The following BTG1 variants were observed in gnomAD, a reference collection of about 807,000 sequenced individuals.
BTG1 encodes the protein protein BTG1.
Under a neutral mutation model 15.2 loss-of-function variants are expected in BTG1, and 2 were observed. The ratio of observed to expected loss-of-function variants is 0.13; its 90% confidence interval spans 0.05 to 0.41. The LOEUF (loss-of-function observed/expected upper bound fraction) is 0.41. Ranked by LOEUF, BTG1 falls within the 10% of genes least tolerant of loss-of-function variation. The pLI is 0.99. For synonymous variants in BTG1, 109 were observed against 82.4 expected (o/e 1.32, Z -1.75); for missense variants, 149 against 215.0 (o/e 0.69, Z 1.92).
chr12:92,143,419 A>C lies in BTG1; in HGVS notation c.*661T>G. 4.3e-6 allele frequency: 1 copy of C among 233,494 alleles called. No individual in the cohort carries two copies. Among genetic ancestry groups the C allele is most frequent in the Non-Finnish European group, 8.5e-6 (1 of 117,940 alleles). The allele number at this position is 233,494 out of a possible 1,614,324, so 14.5% of individuals were successfully genotyped here. A position where few individuals can be genotyped will look rare whatever the true frequency, so the allele number is the denominator to read the frequency against. On this transcript the variant is annotated 3_prime_UTR_variant, in exon 2 of 2. Transcript: ENST00000256015. ...ACTACAAGCTAGCAAATGTACAGAGAGCTGGCTGGTGCTAACACCACAGTT... is the reference window on the plus strand; with the variant it reads ...ACTACAAGCTAGCAAATGTACAGAGCGCTGGCTGGTGCTAACACCACAGTT...
At position 92,141,932 on chromosome 12, in the gene BTG1, A is replaced by C. The variant is rs983998964; in HGVS notation, c.*2148T>G. On this transcript the variant is annotated 3_prime_UTR_variant, in exon 2 of 2. Coordinates refer to ENST00000256015, the MANE Select transcript of BTG1 (RefSeq NM_001731.3). ...AAAAATGGTTGAGGTACTTAGTTTCAATGGAGTTACCAGATGAAATGTAGT... is the reference window on the plus strand; with the variant it reads ...AAAAATGGTTGAGGTACTTAGTTTCCATGGAGTTACCAGATGAAATGTAGT... The C allele has an allele frequency of 2.5e-4, 58 of 232,470 alleles. No homozygotes were observed. The highest frequency in any genetic ancestry group is 2.1e-3 in the Admixed American group (38 of 17,770). The allele number at this position is 232,470 out of a possible 1,614,324, so 14.4% of individuals were successfully genotyped here.
intron 1 of BTG1, chr12:92,145,090 C>A (rs1031976052): frequency 1.7e-5 from 4 of 242,034 alleles, no homozygotes; most frequent in African/African-American, 9.1e-5. Context: ...GTCCCCAAAT[C>A]CGCCGACGGT....
chr12:92,144,004 T>TC lies in BTG1; in HGVS notation c.*75dup. On this transcript the variant is annotated 3_prime_UTR_variant, in exon 2 of 2. Coordinates refer to ENST00000256015, the MANE Select transcript of BTG1 (RefSeq NM_001731.3). ...GACATGGTTTAAATTCCATAATCCA[T>TC]CCCCAAGAGGAGCCCACCCAAAGCA... The TC allele has an allele frequency of 7.7e-6, 12 of 1,550,420 alleles. No individual in the cohort carries two copies. Among genetic ancestry groups the TC allele is most frequent in the Non-Finnish European group, 7.9e-6 (9 of 1,141,934 alleles).
Position 92,142,614 on chromosome 12 carries a change from T to C in BTG1, c.*1466A>G. 4.3e-6 allele frequency: 1 copy of C among 233,014 alleles called. No homozygotes were observed. Among genetic ancestry groups the C allele is most frequent in the Non-Finnish European group, 8.5e-6 (1 of 117,908 alleles). The allele number at this position is 233,014 out of a possible 1,614,324, so 14.4% of individuals were successfully genotyped here. A position where few individuals can be genotyped will look rare whatever the true frequency, so the allele number is the denominator to read the frequency against. On this transcript the variant is annotated 3_prime_UTR_variant, in exon 2 of 2. Transcript: ENST00000256015. ...AAAAGTTCATAAACATACCTTTTGT[T>C]GAATTCCAGCTTATGTGATTTTTAT...
At position 92,145,555 on chromosome 12, in the gene BTG1, G is replaced by T; in HGVS notation, c.-20C>A. The T allele has an allele frequency of 7.1e-7, 1 of 1,402,718 alleles. No individual in the cohort carries two copies. The highest frequency in any genetic ancestry group is 9.3e-7 in the Non-Finnish European group (1 of 1,071,812). 86.9% of individuals were successfully genotyped at this position (1,402,718 alleles called of 1,614,324 possible). On this transcript the variant is annotated 5_prime_UTR_variant, in exon 1 of 2. Transcript: ENST00000256015. ...ATGCATGGGGGCGGCGTGCGGGGGCGGCCCGGGGCGGCTGGGGCTCGGCGG... is the reference window on the plus strand; with the variant it reads ...ATGCATGGGGGCGGCGTGCGGGGGCTGCCCGGGGCGGCTGGGGCTCGGCGG...
chr12:92,145,255 C>T (rs562271698), intron 1 of BTG1, 133 bp downstream of exon 1: 1 of 1,286,868 alleles, frequency 7.8e-7, no homozygotes, highest in Admixed American at 4.2e-5. Flanking sequence ...CCCAGCGCAA[C>T]CACACCGGTC....
In BTG1 at chr12:92,140,718, T is replaced by C. The variant is rs1870155512; in HGVS notation, c.*3362A>G. The C allele has an allele frequency of 8.6e-6, 2 of 232,228 alleles. No individual in the cohort carries two copies. Among genetic ancestry groups the C allele is most frequent in the African/African-American group, 2.2e-5 (1 of 45,302 alleles). The allele number at this position is 232,228 out of a possible 1,614,324, so 14.4% of individuals were successfully genotyped here. On this transcript the variant is annotated 3_prime_UTR_variant, in exon 2 of 2. Transcript: ENST00000256015. ...GTTATATTTTGATAGCAGCCATATA[T>C]AAAAGTTCAGTGGCAGAGACTGAGA...
At chr12:92,145,097 C>T in intron 1 of BTG1, 1 of 256,380 alleles carries the variant, frequency 3.9e-6, no homozygotes. Context: ...AATCCGCCGA[C>T]GGTCCTCGGA....
chr12:92,143,913 T>C lies in BTG1; in HGVS notation c.*167A>G, dbSNP rs1870410213. The C allele has an allele frequency of 2.4e-5, 17 of 711,080 alleles. No individual in the cohort carries two copies. In the South Asian group the frequency reaches 2.4e-4, roughly 10 times the overall value. The allele number at this position is 711,080 out of a possible 1,614,324, so 44.0% of individuals were successfully genotyped here. On this transcript the variant is annotated 3_prime_UTR_variant, in exon 2 of 2. Coordinates refer to ENST00000256015, the MANE Select transcript of BTG1 (RefSeq NM_001731.3). ...TCATTGAAAGGTACTGTCCAAACTA[T>C]GGCACTGTCACTTAAAATTTTTTTT...
rs1375526299 is a variant in BTG1, at chr12:92,141,051, T to A, written c.*3029A>T. 3 of 232,730 alleles carry A rather than the reference T, an allele frequency of 1.3e-5. No homozygotes were observed. Among genetic ancestry groups the A allele is most frequent in the Admixed American group, 5.6e-5 (1 of 17,770 alleles). 14.4% of individuals were successfully genotyped at this position (232,730 alleles called of 1,614,324 possible). On this transcript the variant is annotated 3_prime_UTR_variant, in exon 2 of 2. Transcript: ENST00000256015. ...AGTCACGCAGGGAGAAGTCCAATAG[T>A]AGATTTATTTGCTCCCAAGATTAAA...
At position 92,145,584 on chromosome 12, in the gene BTG1, G is replaced by A. The variant is rs1187901870; in HGVS notation, c.-49C>T. ...CGGGGCGGCTGGGGCTCGGCGGCGC[G>A]GCCCCGACGGCGGAGCAGCCACCCC... On this transcript the variant is annotated 5_prime_UTR_variant, in exon 1 of 2. Transcript: ENST00000256015. 3 of 1,248,010 alleles carry A rather than the reference G, an allele frequency of 2.4e-6. No homozygotes were observed. Among genetic ancestry groups the A allele is most frequent in the East Asian group, 6.4e-5 (2 of 31,240 alleles). The allele number at this position is 1,248,010 out of a possible 1,614,324, so 77.3% of individuals were successfully genotyped here.
chr12:92,145,350 T>C (rs990840052), intron 1 of BTG1, 38 bp downstream of exon 1: 2 of 1,502,218 alleles, frequency 1.3e-6, no homozygotes, highest in Admixed American at 2.0e-5. Flanking sequence ...CCCAGGGATG[T>C]GGGGCCCGCG....
At chr12:92,144,780 T>G (rs948779316) in intron 1 of BTG1, among the ~76,000 whole-genome samples, 5 of 152,148 alleles carry the variant, frequency 3.3e-5, no homozygotes, top group African/African-American at 1.2e-4. Context: ...CCACCCCAGA[T>G]GCACACAATG....
At position 92,140,997 on chromosome 12, in the gene BTG1, G is replaced by T. The variant is rs1423695518; in HGVS notation, c.*3083C>A. 1 of 232,672 alleles carries T rather than the reference G, an allele frequency of 4.3e-6. No individual in the cohort carries two copies. Among genetic ancestry groups the T allele is most frequent in the African/African-American group, 2.2e-5 (1 of 45,312 alleles). The allele number at this position is 232,672 out of a possible 1,614,324, so 14.4% of individuals were successfully genotyped here. A position where few individuals can be genotyped will look rare whatever the true frequency, so the allele number is the denominator to read the frequency against. On this transcript the variant is annotated 3_prime_UTR_variant, in exon 2 of 2. Coordinates refer to ENST00000256015, the MANE Select transcript of BTG1 (RefSeq NM_001731.3). Reference sequence around the variant, plus strand: ...TATCATACCTCTCTTCTGTAAAGAGGAAGAAGAGAGAGTATCAGAAATGTT... The same window carrying T: ...TATCATACCTCTCTTCTGTAAAGAGTAAGAAGAGAGAGTATCAGAAATGTT...
intron 1 of BTG1, chr12:92,145,011 G>A (rs1272710525): frequency 2.8e-4 from 51 of 184,866 alleles, no homozygotes; most frequent in Non-Finnish European, 2.3e-4. Context: ...CTGGGCCGCC[G>A]ACCACGCAAC....
In BTG1 at chr12:92,143,506, T is replaced by G. The variant is rs1194020267; in HGVS notation, c.*574A>C. The G allele has an allele frequency of 1.3e-5, 3 of 234,194 alleles. No homozygotes were observed. Among genetic ancestry groups the G allele is most frequent in the Non-Finnish European group, 2.5e-5 (3 of 118,380 alleles). The allele number at this position is 234,194 out of a possible 1,614,324, so 14.5% of individuals were successfully genotyped here. A position where few individuals can be genotyped will look rare whatever the true frequency, so the allele number is the denominator to read the frequency against. ...GTTGCCATGGCAGATTCTGGTCACT[T>G]GCTACTTTCAAGGCCAAAAACACAA... is the stretch of plus-strand genomic sequence containing the variant. On this transcript the variant is annotated 3_prime_UTR_variant, in exon 2 of 2. Transcript: ENST00000256015.
At position 92,140,848 on chromosome 12, in the gene BTG1, T is replaced by C. The variant is rs568231363; in HGVS notation, c.*3232A>G. ...CTTTTTGAAGACTTCCATGCATAGATAAAACTATTGACAAATGTTCTCCAT... is the reference window on the plus strand; with the variant it reads ...CTTTTTGAAGACTTCCATGCATAGACAAAACTATTGACAAATGTTCTCCAT... On this transcript the variant is annotated 3_prime_UTR_variant, in exon 2 of 2. Coordinates refer to ENST00000256015, the MANE Select transcript of BTG1 (RefSeq NM_001731.3). 123 of 232,592 alleles carry C rather than the reference T, an allele frequency of 5.3e-4. No individual in the cohort carries two copies. Among genetic ancestry groups the C allele is most frequent in the Non-Finnish European group, 6.7e-4 (79 of 117,612 alleles). 14.4% of individuals were successfully genotyped at this position (232,592 alleles called of 1,614,324 possible).
At position 92,143,566 on chromosome 12, in the gene BTG1, CTAG is replaced by C; in HGVS notation, c.*511_*513del. On this transcript the variant is annotated 3_prime_UTR_variant, in exon 2 of 2. Transcript: ENST00000256015. ...TGACCATTTCCCCAGGTCATGCTTA[CTAG>C]TTTGTCTTTATGTACATTTATACAT... 4.2e-6 allele frequency: 1 copy of C among 235,678 alleles called. No homozygotes were observed. Among genetic ancestry groups the C allele is most frequent in the East Asian group, 6.0e-5 (1 of 16,550 alleles). The allele number at this position is 235,678 out of a possible 1,614,324, so 14.6% of individuals were successfully genotyped here. A position where few individuals can be genotyped will look rare whatever the true frequency, so the allele number is the denominator to read the frequency against.
intron 1 of BTG1, 144 bp downstream of exon 1, chr12:92,145,242 CCA>C: frequency 4.1e-6 from 5 of 1,225,606 alleles, no homozygotes; most frequent in Non-Finnish European, 5.2e-6. Flanking sequence ...CTGTTAGCGG[CCA>C]CCCAGCGCAA....
Sources: gnomAD v4.1 joint callset for allele counts (sites outside exome capture counted in the v4.1 genomes callset) on GRCh38, gnomAD v4.1.1 for gene constraint, MANE v1.5 for transcripts, NCBI Gene and HGNC (gene_info 2026-07-23, HGNC 2026-07-21) for gene names.